The following UVSSA variants were observed in gnomAD, a reference collection of about 807,000 sequenced individuals.
UVSSA encodes UV-stimulated scaffold protein A.
Under a neutral mutation model 73.9 loss-of-function variants are expected in UVSSA, and 72 were observed. That is an observed-to-expected ratio of 0.97 (90% CI 0.81 to 1.19). The LOEUF (loss-of-function observed/expected upper bound fraction) is 1.19. Among genes scored for constraint, UVSSA ranks in the 50% most tolerant of loss-of-function variants. The pLI is 0.00. For missense variants in UVSSA, 1,150 were observed against 965.0 expected, an observed-to-expected ratio of 1.19 and a Z score of -2.54; for synonymous variants, 454 against 391.3, an observed-to-expected ratio of 1.16 and a Z score of -1.89.
At position 1,387,545 on chromosome 4, in the gene UVSSA, A is replaced by G. The variant is rs1235443624; in HGVS notation, c.*1584A>G. ...CATCACCTAATCCAAGATCACAGAG[A>G]TTTACACCTAGTTTCTAATAAGCAT... On this transcript the variant is annotated 3_prime_UTR_variant, in exon 14 of 14. Coordinates refer to ENST00000389851, the MANE Select transcript of UVSSA (RefSeq NM_020894.4). 2.0e-5 allele frequency: 3 copies of G among 152,198 alleles called. No homozygotes were observed. The highest frequency in any genetic ancestry group is 2.0e-4 in the Admixed American group (3 of 15,286). The allele number at this position is 152,198 out of a possible 1,614,324, so 9.4% of individuals were successfully genotyped here.
At chr4:1,395,916 T>G (rs2109339369) in exon 14 of UVSSA, 1 of 1,571,954 alleles carries the variant, frequency 6.4e-7, no homozygotes, top group East Asian at 2.2e-5. Flanking sequence ...AGGACTGATT[T>G]GTTAGCCTGG....
At chr4:1,375,324 G>A in intron 8 of UVSSA, 40 bp from the exon 9 acceptor site, 4 of 1,608,758 alleles carry the variant, frequency 2.5e-6, no homozygotes, top group South Asian at 1.1e-5. Flanking sequence ...CTGGCGGGTT[G>A]TGGGAGTGGT....
Position 1,375,355 on chromosome 4 carries a change from C to CT in UVSSA, c.1289-8dup. 1 of 1,612,860 alleles carries CT rather than the reference C, an allele frequency of 6.2e-7. No individual in the cohort carries two copies. Among genetic ancestry groups the CT allele is most frequent in the Non-Finnish European group, 8.5e-7 (1 of 1,179,582 alleles). ...GTGGTGGCAGGGAGTGGACACGTGT[C>CT]TGTTTCAGGGCTGGAGGCAGCACCA... On this transcript the variant is annotated splice_polypyrimidine_tract_variant and intron_variant, in intron 8 of 13. Coordinates refer to ENST00000389851, the MANE Select transcript of UVSSA (RefSeq NM_020894.4).
intron 8 of UVSSA, among the ~76,000 whole-genome samples, chr4:1,372,840 G>GGCACTCACCTCCCGCGTCCCT (rs1332278737): frequency 1.2e-4 from 1 of 8,508 alleles, no homozygotes; most frequent in Admixed American, 1.7e-3. Flanking sequence ...CGCGTCTCAG[G>GGCACTCACCTCCCGCGTCCCT]GCACTCACCT....
In UVSSA at chr4:1,365,815, GGC is replaced by G. The variant is rs1274628603; in HGVS notation, c.1177-504_1177-503del. On this transcript the variant is annotated intron_variant, in intron 7 of 13. Transcript: ENST00000389851. The stretch of plus-strand genomic sequence containing the variant: ...GAAGATAACTCACCTAAGCCCCGGG[GGC>G]ACCGCAGACGCACCTGCTCCACCTG... 3.4e-4 allele frequency among the ~76,000 whole-genome samples: 52 copies of G among 152,054 alleles called. 1 individual carries two copies. The South Asian group carries it at 0.011, about 31-fold the overall frequency.
rs555950814 is a variant in UVSSA at position 1,349,423 on chromosome 4, G to A, written c.99-101G>A. ...AGAATGAAGATGGGAAGGCAGTGGT[G>A]GTCCCTGCCACACGTGCGTGCGGCA... is the stretch of plus-strand genomic sequence containing the variant. On this transcript the variant is annotated intron_variant, in intron 2 of 13. Coordinates refer to ENST00000389851, the MANE Select transcript of UVSSA (RefSeq NM_020894.4). The A allele has an allele frequency of 2.1e-5, 24 of 1,130,272 alleles. No homozygotes were observed. In the South Asian group the frequency reaches 3.3e-4, roughly 16 times the overall value. 70.0% of individuals were successfully genotyped at this position (1,130,272 alleles called of 1,614,324 possible).
upstream of UVSSA, among the ~76,000 whole-genome samples, chr4:1,345,015 G>C (rs917292496): frequency 2.7e-4 from 41 of 152,316 alleles, no homozygotes; most frequent in Middle Eastern, 3.4e-3. Context: ...GGCCACGACA[G>C]GTTTTGCCTT....
chr4:1,383,161 C>T (rs763173850), intron 12 of UVSSA, among the ~76,000 whole-genome samples: 2 of 152,302 alleles, frequency 1.3e-5, no homozygotes, highest in African/African-American at 4.8e-5. Context: ...AGACAATGCA[C>T]GGCTTGCTTG....
chr4:1,348,017 T>C, intron 1 of UVSSA, 73 bp from the exon 2 acceptor site: 1 of 1,316,406 alleles, frequency 7.6e-7, no homozygotes. Flanking sequence ...TGGAACCCAG[T>C]AAACACGTTA....
chr4:1,375,585 C>T (rs1422193039), intron 9 of UVSSA, 77 bp downstream of exon 9: 9 of 1,539,696 alleles, frequency 5.8e-6, no homozygotes, highest in African/African-American at 4.1e-5. Flanking sequence ...TGGCCGGCCT[C>T]GAGAGGCTGC....
At chr4:1,385,783 T>A in intron 13 of UVSSA, 85 bp from the exon 14 acceptor site, 1 of 1,417,962 alleles carries the variant, frequency 7.1e-7, no homozygotes, top group Non-Finnish European at 1.0e-6. Context: ...CCAGGACCAG[T>A]GCCTAACTTT....
At chr4:1,367,756 G>C (rs1717519172) in intron 8 of UVSSA, among the ~76,000 whole-genome samples, 1 of 152,092 alleles carries the variant, frequency 6.6e-6, no homozygotes, top group Non-Finnish European at 1.5e-5. Flanking sequence ...CGAGGGACCT[G>C]CACGCCTCTC....
At position 1,366,327 on chromosome 4, in the gene UVSSA, C is replaced by A; in HGVS notation, c.1184C>A (p.Ala395Asp). Residue 395 changes from alanine to aspartate, a missense_variant, in exon 8 of 14, where the codon GCC becomes GAC. By Grantham distance (126) the Ala-to-Asp change is moderately radical (BLOSUM62 -2). Transcript: ENST00000389851. ...TGGGGTGTTTTTCCACAGACAGAAG[C>A]CCTGGGGGATGCGGAGGAAGATGAG... ...PEGGERRRTE[A>D]LGDAEEDEDD... 2 of 1,611,442 alleles carry A rather than the reference C, an allele frequency of 1.2e-6. No homozygotes were observed. The highest frequency in any genetic ancestry group is 2.2e-5 in the South Asian group (2 of 90,772).
chr4:1,349,534 G>C lies in UVSSA; in HGVS notation c.109G>C (p.Glu37Gln), dbSNP rs768990468. 1 of 1,612,696 alleles carries C rather than the reference G, an allele frequency of 6.2e-7. No individual in the cohort carries two copies. The highest frequency in any genetic ancestry group is 8.5e-7 in the Non-Finnish European group (1 of 1,179,438). Residue 37 changes from glutamate to glutamine, a missense_variant, in exon 3 of 14, where the codon GAG (glutamate) becomes CAG (glutamine). Glu to Gln is a conservative substitution (Grantham distance 29). Transcript: ENST00000389851. ...ELKKICKSSE[E>Q]QLSRAYRLLI... ...AGCTCGCATCCCCAGGTCTTCAGAG[G>C]AGCAGCTGAGCCGCGCCTACCGCCT...
intron 7 of UVSSA, among the ~76,000 whole-genome samples, chr4:1,355,788 C>T (rs752999410): frequency 1.2e-4 from 18 of 152,068 alleles, no homozygotes; most frequent in Admixed American, 3.9e-4. Context: ...AGGGCTGCCG[C>T]GAGGGGCTGG....
In UVSSA at chr4:1,395,311, G is replaced by A. The variant is rs776890939; in HGVS notation, c.*9350G>A. 5 of 1,534,594 alleles carry A rather than the reference G, an allele frequency of 3.3e-6. No homozygotes were observed. The South Asian group carries it at 5.8e-5, about 18-fold the overall frequency. On this transcript the variant is annotated 3_prime_UTR_variant, in exon 14 of 14. Coordinates refer to the UVSSA transcript ENST00000511216. ...CCCGCCTGCTCACACGTGCCCATGT[G>A]GAGTGCCCGCCTGCTCACGTGCCGA... is the stretch of plus-strand genomic sequence containing the variant.
At chr4:1,353,522 T>C (rs1214954129) in intron 5 of UVSSA, 109 bp downstream of exon 5, 2 of 1,377,688 alleles carry the variant, frequency 1.5e-6, no homozygotes, top group Admixed American at 3.0e-5. Context: ...GGGCCTCCCC[T>C]GGGGAGCTAG....
At chr4:1,349,034 C>T (rs1000408212) in intron 2 of UVSSA, among the ~76,000 whole-genome samples, 2 of 102,490 alleles carry the variant, frequency 2.0e-5, no homozygotes, top group African/African-American at 7.1e-5. Flanking sequence ...TTGTGCCAGG[C>T]GGTGTGTGTT....
At chr4:1,395,944 C>T in exon 14 of UVSSA, 2 of 1,531,540 alleles carry the variant, frequency 1.3e-6, no homozygotes, top group Non-Finnish European at 1.8e-6. Flanking sequence ...CGTATCAGAC[C>T]TTTTAATGAA....
Sources: allele counts gnomAD v4.1 joint callset (sites outside exome capture counted in the v4.1 genomes callset), GRCh38; gene constraint gnomAD v4.1.1; transcripts MANE v1.5; gene names NCBI Gene and HGNC (gene_info 2026-07-23, HGNC 2026-07-21).